LRCH2: variants seen among roughly 807,000 people sequenced by gnomAD.
The protein encoded by LRCH2 is leucine-rich repeat and calponin homology domain-containing protein 2.
LRCH2 carries 38 observed loss-of-function variants against 68.9 expected under a neutral mutation model. The observed-to-expected ratio is 0.55, with a 90% CI of 0.43 to 0.72. LRCH2 has a LOEUF of 0.72. Among genes scored for constraint, LRCH2 ranks in the 30% least tolerant of loss-of-function variants. The pLI, the probability that LRCH2 is intolerant of heterozygous loss-of-function variation, is 0.00. For synonymous variants in LRCH2, 191 were observed against 208.1 expected, an observed-to-expected ratio of 0.92 and a Z score of 0.71; for missense variants, 528 against 572.9, an observed-to-expected ratio of 0.92 and a Z score of 0.80.
At chrX:115,133,954 C>G (rs1274960439) in intron 14 of LRCH2, among the ~76,000 whole-genome samples, 1 of 112,231 alleles carries the variant, frequency 8.9e-6, no homozygotes, top group Admixed American at 9.5e-5. Context: ...TAGGGTGAAG[C>G]TAGGCCTCTT....
intron 2 of LRCH2, among the ~76,000 whole-genome samples, chrX:115,186,659 G>T (rs1026813206): frequency 9.1e-6 from 1 of 110,346 alleles, no homozygotes; most frequent in Non-Finnish European, 1.9e-5. Flanking sequence ...CACTTTTTCC[G>T]CAAAAGAACA....
At chrX:115,128,463 TAATAA>T (rs2072217337) in intron 15 of LRCH2, among the ~76,000 whole-genome samples, 1 of 112,062 alleles carries the variant, frequency 8.9e-6, no homozygotes, top group Non-Finnish European at 1.9e-5. Context: ...CAATAACTAA[TAATAA>T]AATAGAACAA....
chrX:115,137,953 GA>G (rs76218583), intron 14 of LRCH2, among the ~76,000 whole-genome samples: 3,116 of 103,886 alleles, frequency 0.03, 48 homozygotes, highest in Admixed American at 0.082. Context: ...CGTCTCAAGA[GA>G]AAAAAAAAAG....
At chrX:115,154,636 A>C (rs1556539116) in intron 12 of LRCH2, among the ~76,000 whole-genome samples, 1 of 111,771 alleles carries the variant, frequency 8.9e-6, no homozygotes, top group Non-Finnish European at 1.9e-5. Context: ...TAATTTAATC[A>C]CTGAAATGAA....
chrX:115,230,004 C>G (rs1556577939), intron 1 of LRCH2, among the ~76,000 whole-genome samples: 2 of 112,156 alleles, frequency 1.8e-5, no homozygotes, highest in African/African-American at 6.5e-5. Context: ...GCAGAGGGAG[C>G]AGCAGCAAGT....
At chrX:115,143,217 T>C (rs781889475) in intron 14 of LRCH2, among the ~76,000 whole-genome samples, 15 of 111,464 alleles carry the variant, frequency 1.3e-4, no homozygotes, top group Non-Finnish European at 2.6e-4. Context: ...ACTGAGAAGA[T>C]AAACAAAATT....
intron 3 of LRCH2, 99 bp downstream of exon 3, chrX:115,184,312 T>G (rs1250689690): frequency 1.4e-6 from 1 of 717,826 alleles, no homozygotes; most frequent in African/African-American, 2.2e-5. Context: ...TTAGTACTTT[T>G]TTTAAAAATT....
At chrX:115,173,796 CCCTCCTCTT>C (rs1284713545) in intron 5 of LRCH2, among the ~76,000 whole-genome samples, 1 of 111,365 alleles carries the variant, frequency 9.0e-6, no homozygotes, top group African/African-American at 3.3e-5. Flanking sequence ...CTAGACCAAC[CCCTCCTCTT>C]CCTCCTCTTC....
At chrX:115,197,948 A>G (rs1556564345) in intron 1 of LRCH2, among the ~76,000 whole-genome samples, 1 of 103,182 alleles carries the variant, frequency 9.7e-6, no homozygotes. Flanking sequence ...ATCAAGCAGA[A>G]GAAAGAATTT....
chrX:115,114,621 G>C (rs2072067763), intron 20 of LRCH2, among the ~76,000 whole-genome samples: 1 of 110,629 alleles, frequency 9.0e-6, no homozygotes, highest in Admixed American at 9.7e-5. Flanking sequence ...GAAGGAAAGA[G>C]AGAATACACA....
chrX:115,187,945 A>G (rs2072746374), intron 2 of LRCH2, among the ~76,000 whole-genome samples: 1 of 113,037 alleles, frequency 8.8e-6, no homozygotes, highest in Non-Finnish European at 1.9e-5. Context: ...GAGCATTGCC[A>G]AGGGGCCTGT....
intron 10 of LRCH2, 61 bp downstream of exon 10, chrX:115,165,344 G>A: frequency 3.7e-6 from 3 of 805,863 alleles, no homozygotes; most frequent in South Asian, 5.7e-5. Context: ...CTTTCAAGTA[G>A]GAATATCTAA....
intron 1 of LRCH2, among the ~76,000 whole-genome samples, chrX:115,224,276 T>C (rs987841205): frequency 9.0e-6 from 1 of 111,367 alleles, no homozygotes; most frequent in Non-Finnish European, 1.9e-5. Flanking sequence ...CAGGGGGAGA[T>C]GAAAATATTC....
rs1456179674 is a variant in LRCH2, at chrX:115,159,206, T to C, written c.1464-2539A>G. ...GTATACAATACTGTACTGTTAATTA[T>C]AGGCACAATGTTGTACAGCAGATCC... On this transcript the variant is annotated intron_variant, in intron 11 of 20. Transcript: ENST00000317135. Among the ~76,000 whole-genome samples the C allele has an allele frequency of 4.5e-5, 5 of 111,205 alleles. No homozygotes were observed. In the East Asian group the frequency reaches 1.1e-3, roughly 25 times the overall value.
chrX:115,114,566 TAGA>T (rs782333601), intron 20 of LRCH2, among the ~76,000 whole-genome samples: 31 of 110,989 alleles, frequency 2.8e-4, no homozygotes, highest in Non-Finnish European at 5.7e-4. Flanking sequence ...TTAGTTCATT[TAGA>T]AGATTTTTAA....
chrX:115,169,819 A>G (rs1556546801), intron 6 of LRCH2, among the ~76,000 whole-genome samples: 1 of 111,226 alleles, frequency 9.0e-6, no homozygotes. Flanking sequence ...AAACACTGAA[A>G]TCATAAAGAA....
intron 14 of LRCH2, among the ~76,000 whole-genome samples, chrX:115,147,322 T>C (rs1183770602): frequency 3.6e-5 from 4 of 111,610 alleles, no homozygotes; most frequent in African/African-American, 1.3e-4. Context: ...AGTGTTGATT[T>C]AATTTAGGAA....
Position 115,111,891 on chromosome X carries a change from TTAAGA to T in LRCH2, c.*1320_*1324del, listed in dbSNP as rs1338058334. The T allele has an allele frequency of 8.9e-6, 1 of 112,199 alleles. No individual in the cohort carries two copies. Among genetic ancestry groups the T allele is most frequent in the Non-Finnish European group, 1.9e-5 (1 of 53,067 alleles). The allele number at this position is 112,199 out of a possible 1,213,427, so 9.2% of individuals were successfully genotyped here. A position where few individuals can be genotyped will look rare whatever the true frequency, so the allele number is the denominator to read the frequency against. On this transcript the variant is annotated 3_prime_UTR_variant, in exon 21 of 21. Coordinates refer to ENST00000317135, the MANE Select transcript of LRCH2 (RefSeq NM_020871.4). ...GTAACAAGTGCAAATGATCACATAC[TTAAGA>T]TATGATGCTTGCTTGGTTACTACAA... is the stretch of plus-strand genomic sequence containing the variant.
At chrX:115,181,071 T>C (rs1190414878) in intron 3 of LRCH2, among the ~76,000 whole-genome samples, 1 of 111,256 alleles carries the variant, frequency 9.0e-6, no homozygotes, top group African/African-American at 3.3e-5. Context: ...AGCTAAAAGG[T>C]GAACCATACT....
Sources: allele counts gnomAD v4.1 joint callset (sites outside exome capture counted in the v4.1 genomes callset), GRCh38; gene constraint gnomAD v4.1.1; transcripts MANE v1.5; gene names NCBI Gene and HGNC (gene_info 2026-07-23, HGNC 2026-07-21).